Variants in MAP3K5 observed in about 807,000 individuals in gnomAD.
MAP3K5 encodes ASK-1.
A neutral mutation model predicts 158.7 loss-of-function variants in MAP3K5; 56 were observed. The observed-to-expected ratio is 0.35, with a 90% CI of 0.28 to 0.44. The LOEUF (loss-of-function observed/expected upper bound fraction) is 0.44. Among genes scored for constraint, MAP3K5 ranks in the 20% least tolerant of loss-of-function variants. MAP3K5 has a pLI of 1.00. For missense variants in MAP3K5, 1,294 were observed against 1,674.8 expected (o/e 0.77, Z 3.97); for synonymous variants, 579 against 601.7 (o/e 0.96, Z 0.55).
intron 1 of MAP3K5, among the ~76,000 whole-genome samples, chr6:136,746,650 G>A (rs1582631705): frequency 6.6e-6 from 1 of 151,922 alleles, no homozygotes; most frequent in Non-Finnish European, 1.5e-5. Flanking sequence ...TGGTTTAACA[G>A]GGGAAAAAAA....
At chr6:136,679,573 T>C (rs1021404359) in intron 7 of MAP3K5, among the ~76,000 whole-genome samples, 11 of 152,306 alleles carry the variant, frequency 7.2e-5, no homozygotes, top group African/African-American at 2.4e-4. Flanking sequence ...AACCCTCCAA[T>C]TCAGACTACT....
intron 7 of MAP3K5, among the ~76,000 whole-genome samples, chr6:136,674,787 C>A (rs61131879): frequency 6.6e-6 from 1 of 151,872 alleles, no homozygotes; most frequent in Non-Finnish European, 1.5e-5. Context: ...AAATCCAAAA[C>A]TTTTTGAGTG....
intron 8 of MAP3K5, among the ~76,000 whole-genome samples, chr6:136,661,324 T>C (rs1342952577): frequency 6.6e-6 from 1 of 152,210 alleles, no homozygotes; most frequent in Non-Finnish European, 1.5e-5. Flanking sequence ...TTGCCACTGC[T>C]GTTTCACGAG....
At chr6:136,622,699 T>C (rs372968127) in intron 15 of MAP3K5, 149 bp downstream of exon 15, 816 of 807,282 alleles carry the variant, frequency 1.0e-3, no homozygotes, top group Non-Finnish European at 1.4e-3. Flanking sequence ...AAACACTGAA[T>C]GATGCAGCAG....
chr6:136,692,472 G>T (rs1459978472), intron 7 of MAP3K5, among the ~76,000 whole-genome samples: 1 of 152,106 alleles, frequency 6.6e-6, no homozygotes, highest in Non-Finnish European at 1.5e-5. Flanking sequence ...ATGTCTTGAG[G>T]GAAAAGCCAT....
chr6:136,757,575 A>ATTTTTTTTTTTT (rs1266911449), intron 1 of MAP3K5, among the ~76,000 whole-genome samples: 6 of 111,270 alleles, frequency 5.4e-5, no homozygotes, highest in African/African-American at 2.0e-4. Context: ...AGATTTATTT[A>ATTTTTTTTTTTT]TTTATTTTTT....
intron 18 of MAP3K5, 91 bp downstream of exon 18, chr6:136,611,191 C>A: frequency 3.2e-5 from 18 of 560,838 alleles, no homozygotes; most frequent in South Asian, 1.4e-4. Flanking sequence ...TGTGTGAGAA[C>A]ACCAACTGAA....
chr6:136,741,725 T>C (rs1782716072), intron 1 of MAP3K5, among the ~76,000 whole-genome samples: 1 of 152,170 alleles, frequency 6.6e-6, no homozygotes, highest in South Asian at 2.1e-4. Flanking sequence ...GGCAGGATCA[T>C]CTATGTACAA....
intron 1 of MAP3K5, among the ~76,000 whole-genome samples, chr6:136,767,152 A>C (rs967361878): frequency 2.0e-5 from 3 of 152,168 alleles, no homozygotes; most frequent in African/African-American, 7.2e-5. Flanking sequence ...TTCCACACTG[A>C]AATATTTAAG....
intron 14 of MAP3K5, among the ~76,000 whole-genome samples, chr6:136,624,110 G>A (rs1027864965): frequency 1.3e-5 from 2 of 152,070 alleles, no homozygotes; most frequent in Admixed American, 1.3e-4. Context: ...AGGAGAATTG[G>A]TTGAACCTGG....
At chr6:136,717,865 T>C (rs754913044) in intron 2 of MAP3K5, among the ~76,000 whole-genome samples, 1 of 151,762 alleles carries the variant, frequency 6.6e-6, no homozygotes. Context: ...ATAGTCTAAA[T>C]AAGAAAACAG....
chr6:136,654,019 GT>G (rs1362839252), intron 10 of MAP3K5, among the ~76,000 whole-genome samples: 11 of 152,196 alleles, frequency 7.2e-5, no homozygotes, highest in African/African-American at 2.4e-4. Flanking sequence ...AAGCCACAAA[GT>G]TTCAAGAAGG....
chr6:136,645,116 G>A (rs1020347349), intron 11 of MAP3K5, among the ~76,000 whole-genome samples: 4 of 151,988 alleles, frequency 2.6e-5, no homozygotes, highest in African/African-American at 7.3e-5. Context: ...TTTTTTTGTA[G>A]AGACGGGGGT....
intron 8 of MAP3K5, 130 bp downstream of exon 8, chr6:136,669,149 ATAAG>A (rs1253069637): frequency 4.3e-6 from 3 of 691,026 alleles, no homozygotes; most frequent in Non-Finnish European, 7.8e-6. Context: ...AGGAGATATA[ATAAG>A]TTTCTTTTTT....
chr6:136,642,423 C>G, intron 12 of MAP3K5, 97 bp downstream of exon 12: 1 of 865,592 alleles, frequency 1.2e-6, no homozygotes, highest in South Asian at 1.5e-5. Flanking sequence ...TCTTGACATT[C>G]CTTGTATTTT....
At chr6:136,645,573 C>T (rs1248105952) in intron 11 of MAP3K5, among the ~76,000 whole-genome samples, 1 of 152,228 alleles carries the variant, frequency 6.6e-6, no homozygotes, top group Non-Finnish European at 1.5e-5. Flanking sequence ...CTCTCTTCCT[C>T]AATCTTAAGT....
rs866241646 is a variant in MAP3K5, at chr6:136,741,321, C to T, written c.449-20732G>A. On this transcript the variant is annotated intron_variant, in intron 1 of 29. Coordinates refer to ENST00000359015, the MANE Select transcript of MAP3K5 (RefSeq NM_005923.4). ...TTTATTATGCATACAAATAAACATA[C>T]ACATGCCCATTTGGTATGGGAGCAA... Among the ~76,000 whole-genome samples, 4 of 152,098 alleles carry T rather than the reference C, an allele frequency of 2.6e-5. No homozygotes were observed. In the South Asian group the frequency reaches 6.2e-4, roughly 24 times the overall value.
intron 2 of MAP3K5, among the ~76,000 whole-genome samples, chr6:136,718,463 A>C (rs1225552243): frequency 6.6e-6 from 1 of 152,220 alleles, no homozygotes; most frequent in East Asian, 1.9e-4. Context: ...CAGCTCCGCA[A>C]AGTGCTGGGA....
At chr6:136,655,158 A>G (rs996936268) in intron 10 of MAP3K5, among the ~76,000 whole-genome samples, 2 of 152,222 alleles carry the variant, frequency 1.3e-5, no homozygotes, top group Non-Finnish European at 2.9e-5. Context: ...AAAGTGACGA[A>G]TTTGAATGGT....
Sources: allele counts gnomAD v4.1 joint callset (sites outside exome capture counted in the v4.1 genomes callset), GRCh38; gene constraint gnomAD v4.1.1; transcripts MANE v1.5; gene names NCBI Gene and HGNC (gene_info 2026-07-23, HGNC 2026-07-21).